Variants in ITGB2 observed in about 807,000 individuals in gnomAD.
ITGB2 encodes the protein integrin beta-2.
ITGB2 carries 56 observed loss-of-function variants against 86.8 expected under a neutral mutation model. That is an observed-to-expected ratio of 0.65 (90% CI 0.52 to 0.81). The LOEUF (loss-of-function observed/expected upper bound fraction) is 0.81, where lower values mean the gene tolerates loss of function less well. Ranked by LOEUF, ITGB2 falls within the 30% of genes least tolerant of loss-of-function variation. The pLI, the probability that ITGB2 is intolerant of heterozygous loss-of-function variation, is 0.00. For missense variants in ITGB2, 948 were observed against 1,061.2 expected, an observed-to-expected ratio of 0.89 and a Z score of 1.48; for synonymous variants, 457 against 450.4, an observed-to-expected ratio of 1.01 and a Z score of -0.19.
chr21:44,907,863 G>A (rs531364125), intron 3 of ITGB2: 44 of 580,060 alleles, frequency 7.6e-5, no homozygotes, highest in Non-Finnish European at 1.3e-4. Flanking sequence ...CCTCTTTGTA[G>A]GGCTCTGACT....
At chr21:44,919,577 C>T (rs2084267411) in intron 1 of ITGB2, among the ~76,000 whole-genome samples, 2 of 152,198 alleles carry the variant, frequency 1.3e-5, no homozygotes, top group African/African-American at 2.4e-5. Context: ...TGTGAAGCCT[C>T]CAGAATCCGG....
chr21:44,891,281 G>A (rs906202165), intron 11 of ITGB2, among the ~76,000 whole-genome samples: 1 of 152,136 alleles, frequency 6.6e-6, no homozygotes, highest in Non-Finnish European at 1.5e-5. Flanking sequence ...GGGTGTGCAC[G>A]CCCAAGAGGT....
At chr21:44,919,876 G>T (rs1304512639) in intron 1 of ITGB2, among the ~76,000 whole-genome samples, 1 of 151,812 alleles carries the variant, frequency 6.6e-6, no homozygotes, top group Non-Finnish European at 1.5e-5. Context: ...GGTGGAGGAT[G>T]CATGGGGAGG....
intron 5 of ITGB2, among the ~76,000 whole-genome samples, chr21:44,902,405 ATG>A (rs947045519): frequency 4.4e-5 from 6 of 137,694 alleles, no homozygotes; most frequent in African/African-American, 1.1e-4. Flanking sequence ...GCATTTGTGC[ATG>A]TGAGCATACA....
Position 44,888,688 on chromosome 21 carries a change from C to T in ITGB2, c.2080+5G>A, listed in dbSNP as rs1216981273. ...CCGGTCCCCGCTGCACCCCAGCGGC[C>T]TCACCTCGGCTCTCATCCACATAGA... On this transcript the variant is annotated splice_donor_5th_base_variant and intron_variant, in intron 14 of 15. Coordinates refer to ENST00000652462, the MANE Select transcript of ITGB2 (RefSeq NM_000211.5). 5 of 1,606,658 alleles carry T rather than the reference C, an allele frequency of 3.1e-6. No individual in the cohort carries two copies. The Admixed American group carries it at 8.3e-5, about 27-fold the overall frequency.
Position 44,901,719 on chromosome 21 carries a change from C to T in ITGB2, c.514G>A (p.Val172Met), listed in dbSNP as rs2083962040. 4 of 1,610,524 alleles carry T rather than the reference C, an allele frequency of 2.5e-6. No homozygotes were observed. Among genetic ancestry groups the T allele is most frequent in the East Asian group, 2.2e-5 (1 of 44,814 alleles). Residue 172 changes from valine to methionine, a missense_variant, in exon 6 of 16, where the codon GTG (valine) becomes ATG (methionine). Coordinates refer to ENST00000652462, the MANE Select transcript of ITGB2 (RefSeq NM_000211.5). ...ACGAACGGCAGCACGGTCTTGTCCA[C>T]GAAGGACCCGAAGCCTGCAGGGCAC... Reference protein sequence around the residue: ...ESGRIGFGSFVDKTVLPFVNT... With the variant: ...ESGRIGFGSFMDKTVLPFVNT...
rs377140902 is a variant in ITGB2 at position 44,899,099 on chromosome 21, C to A, written c.961G>T (p.Ala321Ser). ...LAENNIQPIF[A>S]VTSRMVKTYE... ...GTCTTCACCATCCTACTGGTCACCG[C>A]GAAGATGGGCTGGATGTTGTTTTCA... The change falls in exon 8 of 16, where the codon GCG becomes TCG. Residue 321 changes from alanine to serine, a missense_variant. Transcript: ENST00000652462. The A allele has an allele frequency of 6.2e-7, 1 of 1,614,174 alleles. No homozygotes were observed. Among genetic ancestry groups the A allele is most frequent in the Non-Finnish European group, 8.5e-7 (1 of 1,179,998 alleles).
intron 1 of ITGB2, chr21:44,927,832 T>C (rs1293268547): frequency 1.3e-5 from 2 of 152,236 alleles, no homozygotes. Flanking sequence ...CAACGAGCTC[T>C]TTCTCATGGG....
At chr21:44,903,275 C>T in intron 5 of ITGB2, 90 bp downstream of exon 5, 1 of 1,521,020 alleles carries the variant, frequency 6.6e-7, no homozygotes, top group Non-Finnish European at 9.1e-7. Context: ...ACCCTGGGGA[C>T]CTGAGTGCGA....
intron 7 of ITGB2, 76 bp from the exon 8 acceptor site, chr21:44,899,238 G>A (rs1212923353): frequency 1.3e-5 from 15 of 1,112,418 alleles, no homozygotes; most frequent in African/African-American, 6.2e-5. Context: ...TGTCTGCCCC[G>A]CTCAGCGTCA....
At chr21:44,904,932 C>A (rs947806124) in intron 4 of ITGB2, among the ~76,000 whole-genome samples, 2 of 152,222 alleles carry the variant, frequency 1.3e-5, no homozygotes, top group Admixed American at 6.5e-5. Context: ...CTGTGCCTTG[C>A]AGCCCTCAGA....
Position 44,886,191 on chromosome 21 carries a change from T to G in ITGB2, c.*177A>C, listed in dbSNP as rs1336375956. 1.5e-6 allele frequency: 1 copy of G among 661,782 alleles called. No individual in the cohort carries two copies. The highest frequency in any genetic ancestry group is 2.8e-5 in the East Asian group (1 of 36,266). 41.0% of individuals were successfully genotyped at this position (661,782 alleles called of 1,614,324 possible). On this transcript the variant is annotated 3_prime_UTR_variant, in exon 16 of 16. Transcript: ENST00000652462. ...GACTGTGCCAGTCAGAGTGGAGCTG[T>G]CCCCCCGACGAGCCCCCAGAAGCAC...
intron 3 of ITGB2, among the ~76,000 whole-genome samples, chr21:44,908,394 C>CTAA (rs961622622): frequency 6.6e-5 from 10 of 150,892 alleles, no homozygotes; most frequent in African/African-American, 9.9e-5. Flanking sequence ...GGTGGTTAAA[C>CTAA]TAATAATATT....
chr21:44,886,838 G>T lies in ITGB2; in HGVS notation c.2145C>A (p.Ile715=). The stretch of plus-strand genomic sequence containing the variant: ...TCCAGATGACCAGCAGGAGAATGCC[G>T]ATCAGCACGATGCCTGCCACGGTGC... ...VGGTVAGIVL[I]GILLLVIWKA... Residue 715 remains isoleucine, a synonymous_variant, in exon 15 of 16, where the codon ATC becomes ATA. Transcript: ENST00000652462. 1 of 1,613,726 alleles carries T rather than the reference G, an allele frequency of 6.2e-7. No individual in the cohort carries two copies. Among genetic ancestry groups the T allele is most frequent in the Non-Finnish European group, 8.5e-7 (1 of 1,180,000 alleles).
intron 13 of ITGB2, 84 bp from the exon 14 acceptor site, chr21:44,888,979 C>CG: frequency 1.6e-6 from 2 of 1,281,466 alleles, no homozygotes; most frequent in African/African-American, 3.0e-5. Flanking sequence ...GTGTGTCCAC[C>CG]AGGGGGGGCA....
upstream of ITGB2, among the ~76,000 whole-genome samples, chr21:44,922,658 G>GA (rs10532717): frequency 2.1e-3 from 238 of 114,696 alleles, 1 homozygote; most frequent in South Asian, 5.3e-3. Context: ...GGGTAACTGA[G>GA]AAAAAAAAAA....
In ITGB2 at chr21:44,893,575, C is replaced by T. The variant is rs546901205; in HGVS notation, c.1084-31G>A. ...GGCAGAGAGCGGTTACTCTTGGGGG[C>T]GAGTGTTTCTGTTGTCCTGGCCCTG... On this transcript the variant is annotated intron_variant, in intron 9 of 15. Coordinates refer to ENST00000652462, the MANE Select transcript of ITGB2 (RefSeq NM_000211.5). The T allele has an allele frequency of 8.1e-6, 13 of 1,612,330 alleles. No individual in the cohort carries two copies. In the African/African-American group the frequency reaches 1.1e-4, roughly 13 times the overall value.
At chr21:44,905,431 G>A (rs1309727511) in intron 4 of ITGB2, among the ~76,000 whole-genome samples, 7 of 151,684 alleles carry the variant, frequency 4.6e-5, no homozygotes, top group Non-Finnish European at 8.8e-5. Flanking sequence ...CCTTCCCCAC[G>A]GCACAAGGAT....
intron 1 of ITGB2, chr21:44,928,433 G>A (rs1377574016): frequency 6.6e-6 from 1 of 152,374 alleles, no homozygotes; most frequent in East Asian, 1.9e-4. Flanking sequence ...CATGGTCAGA[G>A]AGAGCAAAAG....
Sources: gnomAD v4.1 joint callset for allele counts (sites outside exome capture counted in the v4.1 genomes callset) on GRCh38, gnomAD v4.1.1 for gene constraint, MANE v1.5 for transcripts, NCBI Gene and HGNC (gene_info 2026-07-23, HGNC 2026-07-21) for gene names.